ANKAR: variants seen among roughly 807,000 people sequenced by gnomAD.
The protein encoded by ANKAR is ankyrin and armadillo repeat containing, also known as ankyrin and armadillo repeat-containing protein.
Under a neutral mutation model 146.2 loss-of-function variants are expected in ANKAR, and 136 were observed. That is an observed-to-expected ratio of 0.93 (90% confidence interval 0.81 to 1.07). The LOEUF is 1.07. Ranked by LOEUF, ANKAR falls within the 50% of genes least tolerant of loss-of-function variation. ANKAR has a pLI of 0.00. For missense variants in ANKAR, 1,567 were observed against 1,679.9 expected (o/e 0.93, Z 1.18); for synonymous variants, 500 against 575.8 (o/e 0.87, Z 1.88).
downstream of ANKAR, among the ~76,000 whole-genome samples, chr2:189,749,090 C>T (rs992871621): frequency 6.6e-5 from 10 of 151,612 alleles, no homozygotes; most frequent in African/African-American, 2.4e-4. Context: ...ACTAAAAATA[C>T]AAAAAATGAG....
At chr2:189,709,716 A>T (rs1328500548) in intron 9 of ANKAR, among the ~76,000 whole-genome samples, 2 of 152,232 alleles carry the variant, frequency 1.3e-5, no homozygotes, top group African/African-American at 4.8e-5. Context: ...TATCCCAGAT[A>T]CTGGATATGA....
chr2:189,681,642 C>T (rs111454876), intron 2 of ANKAR, among the ~76,000 whole-genome samples: 295 of 152,298 alleles, frequency 1.9e-3, no homozygotes, highest in African/African-American at 6.4e-3. Context: ...TCAGAATGGA[C>T]GTCAGCCATA....
At position 189,676,767 on chromosome 2, in the gene ANKAR, G is replaced by GC. The variant is rs1314193913; in HGVS notation, c.280dup (p.Leu94ProfsTer5). 6.2e-7 allele frequency: 1 copy of GC among 1,613,978 alleles called. No homozygotes were observed. Among genetic ancestry groups the GC allele is most frequent in the African/African-American group, 1.3e-5 (1 of 74,926 alleles). On this transcript the variant is annotated frameshift_variant, in exon 2 of 23. Transcript: ENST00000684021. LOFTEE classifies it high-confidence loss of function. ...CCTACTGACTCCCGTGGACCCTACT[G>GC]CCCTCTTAGACTATAGAGAGGTCCA...
At position 189,733,142 on chromosome 2, in the gene ANKAR, A is replaced by G. The variant is rs748243207; in HGVS notation, c.3336A>G (p.Leu1112=). ...EVAFSLACIV[L]GNDVLQKDLH... Reference sequence around the variant, plus strand: ...CATTTTCCTTGGCATGCATTGTCCTAGGGAATGATGTGTTACAGAAAGACT... The same window carrying G: ...CATTTTCCTTGGCATGCATTGTCCTGGGGAATGATGTGTTACAGAAAGACT... Residue 1112 remains leucine (L), a synonymous_variant, in exon 17 of 23, where the codon CTA becomes CTG. Coordinates refer to ENST00000684021, the MANE Select transcript of ANKAR (RefSeq NM_001378068.1). 1.2e-6 allele frequency: 2 copies of G among 1,612,972 alleles called. No individual in the cohort carries two copies. The highest frequency in any genetic ancestry group is 1.7e-6 in the Non-Finnish European group (2 of 1,179,462).
At chr2:189,722,150 G>A (rs2041330476) in intron 12 of ANKAR, among the ~76,000 whole-genome samples, 1 of 151,970 alleles carries the variant, frequency 6.6e-6, no homozygotes, top group Non-Finnish European at 1.5e-5. Context: ...AGACTGCCTG[G>A]CCAACATGGT....
At chr2:189,679,173 TTTATG>T (rs1281298998) in intron 2 of ANKAR, among the ~76,000 whole-genome samples, 4 of 152,194 alleles carry the variant, frequency 2.6e-5, no homozygotes, top group Non-Finnish European at 4.4e-5. Flanking sequence ...AGTATTTTAT[TTTATG>T]TTATGTTATT....
At chr2:189,743,246 G>T in intron 20 of ANKAR, 29 bp from the exon 21 acceptor site, 1 of 1,601,570 alleles carries the variant, frequency 6.2e-7, no homozygotes, top group South Asian at 1.1e-5. Flanking sequence ...AAAGCCCACT[G>T]GTTAAGAAAG....
intron 18 of ANKAR, chr2:189,754,083 A>AT (rs1559166529): frequency 6.2e-7 from 1 of 1,612,002 alleles, no homozygotes; most frequent in Non-Finnish European, 8.5e-7. Context: ...ATGAGCAGCT[A>AT]TTTTTAGGCA....
At chr2:189,675,961 T>A (rs1211122636) in intron 1 of ANKAR, 4 of 155,984 alleles carry the variant, frequency 2.6e-5, no homozygotes, top group Non-Finnish European at 5.6e-5. Flanking sequence ...CCCCTTCCCC[T>A]TCCGCCATGA....
At chr2:189,712,837 G>C (rs2039890492) in intron 10 of ANKAR, among the ~76,000 whole-genome samples, 1 of 152,134 alleles carries the variant, frequency 6.6e-6, no homozygotes, top group South Asian at 2.1e-4. Context: ...AGCTAAAGCA[G>C]GATATTCGAA....
chr2:189,734,973 A>AAT lies in ANKAR; in HGVS notation c.3423+1761_3423+1762dup, dbSNP rs949425951. 7.9e-5 allele frequency among the ~76,000 whole-genome samples: 12 copies of AAT among 151,210 alleles called. 1 individual carries two copies. The East Asian group carries it at 1.6e-3, about 20-fold the overall frequency. ...AGCTAGACTCCATCTCAAAAAAGAG[A>AAT]ATATATATATATATATATTTACAGT... On this transcript the variant is annotated intron_variant, in intron 17 of 22. Transcript: ENST00000684021.
intron 12 of ANKAR, among the ~76,000 whole-genome samples, chr2:189,721,948 G>A (rs907419365): frequency 2.0e-5 from 3 of 152,142 alleles, no homozygotes; most frequent in African/African-American, 7.2e-5. Flanking sequence ...TCTATCGTGT[G>A]GTGACATCAT....
At chr2:189,727,733 CT>C (rs1439442097) in intron 12 of ANKAR, 122 bp from the exon 13 acceptor site, 7 of 1,246,174 alleles carry the variant, frequency 5.6e-6, no homozygotes, top group African/African-American at 3.0e-5. Flanking sequence ...TTCTATTTTT[CT>C]TTATTTTCTC....
At chr2:189,724,100 G>A (rs2041605819) in intron 12 of ANKAR, among the ~76,000 whole-genome samples, 1 of 152,080 alleles carries the variant, frequency 6.6e-6, no homozygotes, top group Admixed American at 6.6e-5. Flanking sequence ...TCTTCTCATG[G>A]GGAAGAATGA....
At chr2:189,722,742 G>C (rs2041443286) in intron 12 of ANKAR, among the ~76,000 whole-genome samples, 1 of 152,010 alleles carries the variant, frequency 6.6e-6, no homozygotes, top group Non-Finnish European at 1.5e-5. Flanking sequence ...AATTATCTGG[G>C]TGTGGTGGCG....
At chr2:189,756,409 C>CA (rs748617119) in intron 18 of ANKAR, among the ~76,000 whole-genome samples, 131 of 150,700 alleles carry the variant, frequency 8.7e-4, no homozygotes, top group Non-Finnish European at 1.2e-3. Flanking sequence ...CTGCTAGTTT[C>CA]AAAAAAAAAT....
At chr2:189,710,912 A>C in intron 9 of ANKAR, 137 bp from the exon 10 acceptor site, 2 of 657,278 alleles carry the variant, frequency 3.0e-6, no homozygotes, top group Non-Finnish European at 5.4e-6. Context: ...ACAGAGGGGA[A>C]TTTAATGCAT....
Position 189,720,658 on chromosome 2 carries a change from A to G in ANKAR, c.2506A>G (p.Ile836Val). 1.4e-6 allele frequency: 2 copies of G among 1,391,944 alleles called. No individual in the cohort carries two copies. The highest frequency in any genetic ancestry group is 2.0e-5 in the South Asian group (1 of 51,206). The allele number at this position is 1,391,944 out of a possible 1,614,324, so 86.2% of individuals were successfully genotyped here. Residue 836 changes from isoleucine (I) to valine (V), a missense_variant, in exon 12 of 23, where the codon ATA (isoleucine) becomes GTA (valine). Transcript: ENST00000684021. The stretch of plus-strand genomic sequence containing the variant: ...CCTGATAAATCTATTGAACTTAAAC[A>G]TAGAAAATGTGCTAGTAAATGTAAT... ...PSLINLLNLN[I>V]ENVLVNVMNC...
chr2:189,745,027 CTAA>C (rs1553537043), intron 22 of ANKAR, among the ~76,000 whole-genome samples: 5 of 131,094 alleles, frequency 3.8e-5, no homozygotes, highest in African/African-American at 8.4e-5. Context: ...ACTACTACTA[CTAA>C]TAATACAAAA....
Sources: gnomAD v4.1 joint callset for allele counts (sites outside exome capture counted in the v4.1 genomes callset) on GRCh38, gnomAD v4.1.1 for gene constraint, MANE v1.5 for transcripts, NCBI Gene and HGNC (gene_info 2026-07-23, HGNC 2026-07-21) for gene names.